The following PCDHGA2 variants were observed in gnomAD, a reference collection of about 807,000 sequenced individuals.
PCDHGA2 encodes the protein protocadherin gamma subfamily A, 2.
In PCDHGA2, 40 loss-of-function variants were observed where a neutral mutation model predicts 59.2. The ratio of observed to expected loss-of-function variants is 0.68; its 90% CI spans 0.52 to 0.88. The LOEUF (loss-of-function observed/expected upper bound fraction) is 0.88. Among genes scored for constraint, PCDHGA2 ranks in the 40% least tolerant of loss-of-function variants. The pLI is 0.00. For synonymous variants in PCDHGA2, 560 were observed against 526.0 expected (o/e 1.06, Z -0.89); for missense variants, 1,226 against 1,204.0 (o/e 1.02, Z -0.27).
At chr5:141,365,941 T>A (rs1175439180) in intron 1 of PCDHGA2, 1 of 1,614,152 alleles carries the variant, frequency 6.2e-7, no homozygotes, top group East Asian at 2.2e-5. Context: ...CCAGCGACAG[T>A]GGGAACCCTC....
At position 141,366,680 on chromosome 5, in the gene PCDHGA2, A is replaced by T. The variant is rs747876337; in HGVS notation, c.2424+25285A>T. Reference sequence around the variant, plus strand: ...CGCAGACACGCTCCTTAGTGAAGAGAGCTGTGAGAAAAGCGAGCCTCTTCT... The same window carrying T: ...CGCAGACACGCTCCTTAGTGAAGAGTGCTGTGAGAAAAGCGAGCCTCTTCT... On this transcript the variant is annotated intron_variant, in intron 1 of 3. Transcript: ENST00000394576. 1.3e-5 allele frequency: 21 copies of T among 1,614,096 alleles called. No individual in the cohort carries two copies. The East Asian group carries it at 4.2e-4, about 33-fold the overall frequency.
chr5:141,345,345 A>G, intron 1 of PCDHGA2: 2 of 1,614,066 alleles, frequency 1.2e-6, no homozygotes, highest in Non-Finnish European at 1.7e-6. Context: ...AGAAACTCAC[A>G]TCACCCTGCA....
intron 1 of PCDHGA2, chr5:141,343,499 T>C: frequency 2.0e-6 from 1 of 499,396 alleles, no homozygotes; most frequent in Non-Finnish European, 2.6e-6. Context: ...TTAATAGTTG[T>C]GTTGGTCCTT....
rs774630488 is a variant in PCDHGA2 at position 141,490,640 on chromosome 5, G to A, written c.2425-4167G>A. On this transcript the variant is annotated intron_variant, in intron 1 of 3. Transcript: ENST00000394576. The surrounding 1 kb of genome is among the most constrained non-coding windows in gnomAD (Gnocchi z 5.4). Reference sequence around the variant, plus strand: ...TACACTGCTTACATCCTAGAAAACCGGCCTCCGGGCTCCCTTCTTTGCACT... The same window carrying A: ...TACACTGCTTACATCCTAGAAAACCAGCCTCCGGGCTCCCTTCTTTGCACT... 2.6e-5 allele frequency: 42 copies of A among 1,614,004 alleles called. No individual in the cohort carries two copies. The highest frequency in any genetic ancestry group is 1.6e-4 in the Middle Eastern group (1 of 6,084).
In PCDHGA2 at chr5:141,432,262, A is replaced by G; in HGVS notation, c.2425-62545A>G. 1.9e-6 allele frequency: 3 copies of G among 1,614,222 alleles called. No homozygotes were observed. Among genetic ancestry groups the G allele is most frequent in the Non-Finnish European group, 2.5e-6 (3 of 1,180,036 alleles). On this transcript the variant is annotated intron_variant, in intron 1 of 3. Coordinates refer to ENST00000394576, the MANE Select transcript of PCDHGA2 (RefSeq NM_018915.4). This position sits in a 1 kb window ranked among gnomAD's most constrained non-coding sequence, Gnocchi z 6.0. ...AGAACACCATCCAAGGGGCAAGCCT[A>G]TCGTCCTACGTGTCCATCAACTCCG...
At chr5:141,500,887 T>C (rs557735403) in intron 2 of PCDHGA2, among the ~76,000 whole-genome samples, 1 of 95,622 alleles carries the variant, frequency 1.0e-5, no homozygotes, top group South Asian at 2.8e-4. Context: ...ATTTTTTTTT[T>C]TTGAGACAGT....
rs1338008428 is a variant in PCDHGA2 at position 141,374,930 on chromosome 5, A to G, written c.2424+33535A>G. The G allele has an allele frequency of 3.1e-6, 5 of 1,613,868 alleles. No homozygotes were observed. Among genetic ancestry groups the G allele is most frequent in the African/African-American group, 1.3e-5 (1 of 74,948 alleles). ...CGGGGAAGTAACTTATTCCTTTGTG[A>G]AGATTACAGAAAAGATCTCACAAAT... is the stretch of plus-strand genomic sequence containing the variant. On this transcript the variant is annotated intron_variant, in intron 1 of 3. Transcript: ENST00000394576.
At chr5:141,399,947 C>G in intron 1 of PCDHGA2, 1 of 1,612,228 alleles carries the variant, frequency 6.2e-7, no homozygotes. Context: ...GTGCTGCAGG[C>G]TAGCGAGCCC....
intron 1 of PCDHGA2, among the ~76,000 whole-genome samples, chr5:141,450,830 T>A (rs923422605): frequency 3.0e-5 from 3 of 101,548 alleles, no homozygotes; most frequent in African/African-American, 1.3e-4. Context: ...ATTATTATTA[T>A]TTTTTTTTTT....
At chr5:141,384,075 T>C in intron 1 of PCDHGA2, 1 of 1,600,788 alleles carries the variant, frequency 6.2e-7, no homozygotes, top group Non-Finnish European at 8.5e-7. Context: ...ACCTACCTTT[T>C]AAATTAGAAA....
intron 3 of PCDHGA2, 162 bp downstream of exon 3, chr5:141,505,643 T>C: frequency 1.0e-6 from 1 of 967,852 alleles, no homozygotes. Context: ...AAGCCTGGAA[T>C]TGTGGCTAAG....
At position 141,340,750 on chromosome 5, in the gene PCDHGA2, G is replaced by A. The variant is rs147764693; in HGVS notation, c.1779G>A (p.Ala593=). 3.1e-6 allele frequency: 5 copies of A among 1,614,010 alleles called. No homozygotes were observed. Among genetic ancestry groups the A allele is most frequent in the Admixed American group, 3.3e-5 (2 of 60,032 alleles). Residue 593 remains alanine, a synonymous_variant, in exon 1 of 4, where the codon GCG becomes GCA. Coordinates refer to ENST00000394576, the MANE Select transcript of PCDHGA2 (RefSeq NM_018915.4). ...GCTACCTGGTGACCAAGGTGGTGGC[G>A]GTGGACAGAGACTCGGGCCAGAACG... ...EPGYLVTKVV[A]VDRDSGQNAW...
chr5:141,401,083 C>T (rs2094110284), intron 1 of PCDHGA2, among the ~76,000 whole-genome samples: 1 of 152,176 alleles, frequency 6.6e-6, no homozygotes, highest in Admixed American at 6.5e-5. Context: ...GTGGCTCATG[C>T]CTGTAATCCC....
At chr5:141,464,995 G>A (rs1330469198) in intron 1 of PCDHGA2, among the ~76,000 whole-genome samples, 1 of 151,962 alleles carries the variant, frequency 6.6e-6, no homozygotes, top group East Asian at 1.9e-4. Context: ...TCCCACCTCA[G>A]CCTCCCAAAG....
chr5:141,360,208 T>C (rs780604415), intron 1 of PCDHGA2: 9 of 1,613,072 alleles, frequency 5.6e-6, no homozygotes, highest in Non-Finnish European at 7.6e-6. Flanking sequence ...GTTGTCTTTG[T>C]TCCCCGGGGC....
intron 1 of PCDHGA2, chr5:141,378,905 C>T (rs1043140389): frequency 1.3e-5 from 2 of 152,088 alleles, no homozygotes; most frequent in African/African-American, 4.8e-5. Context: ...ATTCTGTTAT[C>T]GACAGTCTTC....
chr5:141,408,439 G>A (rs1057408625), intron 1 of PCDHGA2: 4 of 1,613,950 alleles, frequency 2.5e-6, no homozygotes, highest in Non-Finnish European at 3.4e-6. Flanking sequence ...GCGTAGACGC[G>A]GAGAGCGGGG....
chr5:141,421,222 C>G, intron 1 of PCDHGA2: 2 of 1,576,946 alleles, frequency 1.3e-6, no homozygotes, highest in Non-Finnish European at 1.7e-6. Flanking sequence ...CGGCTTAGAG[C>G]CTGCCATGGC....
rs2097422953 is a variant in PCDHGA2 at position 141,431,840 on chromosome 5, C to A, written c.2425-62967C>A. The A allele has an allele frequency of 1.9e-6, 3 of 1,614,248 alleles. No homozygotes were observed. The highest frequency in any genetic ancestry group is 1.6e-4 in the Middle Eastern group (1 of 6,062). ...CGCCAGCTCGGTTCCCGAAAACTCT[C>A]CCAGAGGGACATTAATTGCCCTTTT... On this transcript the variant is annotated intron_variant, in intron 1 of 3. Transcript: ENST00000394576. The surrounding 1 kb of genome is among the most constrained non-coding windows in gnomAD (Gnocchi z 4.8).
Sources: allele counts gnomAD v4.1 joint callset (sites outside exome capture counted in the v4.1 genomes callset), GRCh38; gene constraint gnomAD v4.1.1; non-coding constraint Gnocchi (gnomAD v3.1); transcripts MANE v1.5; gene names NCBI Gene and HGNC (gene_info 2026-07-23, HGNC 2026-07-21).